Variants in BEST1 observed in about 807,000 individuals in gnomAD.
BEST1 encodes bestrophin-1.
A neutral mutation model predicts 63.3 loss-of-function variants in BEST1; 58 were observed. That is an observed-to-expected ratio of 0.92 (90% CI 0.74 to 1.14). The LOEUF (loss-of-function observed/expected upper bound fraction) is 1.14. BEST1 is among the 50% of genes most tolerant of loss of function. The pLI, the probability that BEST1 is intolerant of heterozygous loss-of-function variation, is 0.00. For synonymous variants in BEST1, 283 were observed against 291.6 expected (o/e 0.97, Z 0.30); for missense variants, 671 against 740.1 (o/e 0.91, Z 1.08).
chr11:61,964,052 G>C (rs2134480302), intron 10 of BEST1, 52 bp from the exon 11 acceptor site: 1 of 1,610,616 alleles, frequency 6.2e-7, no homozygotes, highest in South Asian at 1.1e-5. Flanking sequence ...TTTGGTATTT[G>C]AAATGAAGGG....
chr11:61,962,686 A>G lies in BEST1; in HGVS notation c.1532A>G (p.Lys511Arg), dbSNP rs1199787091. 3.7e-6 allele frequency: 6 copies of G among 1,614,220 alleles called. No homozygotes were observed. The highest frequency in any genetic ancestry group is 2.2e-5 in the East Asian group (1 of 44,884). The change falls in exon 10 of 11, where the codon AAA (lysine) becomes AGA (arginine). Residue 511 changes from lysine to arginine, a missense_variant. Coordinates refer to ENST00000378043, the MANE Select transcript of BEST1 (RefSeq NM_004183.4). ...SLKTVSSGAKKSFELLSESDG... is the reference protein window; with the variant it reads ...SLKTVSSGAKRSFELLSESDG... ...AAGACTGTGAGTTCTGGGGCCAAGAAAAGTTTTGAATTGCTCTCAGAGAGC... is the reference window on the plus strand; with the variant it reads ...AAGACTGTGAGTTCTGGGGCCAAGAGAAGTTTTGAATTGCTCTCAGAGAGC...
Position 61,962,384 on chromosome 11 carries a change from C to A in BEST1, c.1230C>A (p.Thr410=), listed in dbSNP as rs908879383. The A allele has an allele frequency of 4.3e-6, 7 of 1,614,192 alleles. No homozygotes were observed. The highest frequency in any genetic ancestry group is 2.2e-5 in the South Asian group (2 of 91,082). The part of the protein sequence containing the change: ...DHHPPRANSR[T]KLLWPKRESL... ...ATCCTCCCAGGGCAAACTCAAGGAC[C>A]AAACTACTGTGGCCCAAGAGGGAAT... Residue 410 remains threonine, a synonymous_variant, in exon 10 of 11, where the codon ACC becomes ACA. Transcript: ENST00000378043.
At chr11:61,957,176 C>A (rs998252744) in intron 5 of BEST1, among the ~76,000 whole-genome samples, 178 bp downstream of exon 5, 8 of 152,124 alleles carry the variant, frequency 5.3e-5, no homozygotes, top group African/African-American at 1.9e-4. Context: ...TTCTCAGAGG[C>A]CCCTCCCTCT....
chr11:61,964,828 C>T (rs1261446808), downstream of BEST1: 6 of 1,601,020 alleles, frequency 3.7e-6, no homozygotes, highest in Non-Finnish European at 5.1e-6. Flanking sequence ...GTCACGTGGT[C>T]ACCCAATTCT....
At chr11:61,957,517 C>G (rs1024453249) in intron 6 of BEST1, 53 bp downstream of exon 6, 1 of 1,560,826 alleles carries the variant, frequency 6.4e-7, no homozygotes, top group Admixed American at 1.7e-5. Context: ...GCTAGAAGGA[C>G]CAAGGAAGCA....
At chr11:61,958,820 T>C (rs1941688958) in intron 7 of BEST1, 2 of 318,190 alleles carry the variant, frequency 6.3e-6, no homozygotes, top group African/African-American at 2.2e-5. Flanking sequence ...TACCTTCCTT[T>C]ATTTTTTGGT....
chr11:61,953,283 A>T (rs1940903781), intron 2 of BEST1, among the ~76,000 whole-genome samples: 1 of 151,978 alleles, frequency 6.6e-6, no homozygotes, highest in South Asian at 2.1e-4. Context: ...AGGTACTTTA[A>T]AAAAAGTTAG....
chr11:61,963,303 C>T, intron 10 of BEST1: 1 of 1,362,030 alleles, frequency 7.3e-7, no homozygotes, highest in Non-Finnish European at 9.4e-7. Flanking sequence ...CAGATGAACA[C>T]TTCCCCCATA....
chr11:61,959,493 C>A lies in BEST1; in HGVS notation c.868-5C>A. ...AGGGTTTACAGAGCCTCACCTGTCC[C>A]CAAGGTGGCAGAGCAGCTCATCAAC... On this transcript the variant is annotated splice_polypyrimidine_tract_variant and splice_region_variant and intron_variant, in intron 7 of 10. Coordinates refer to ENST00000378043, the MANE Select transcript of BEST1 (RefSeq NM_004183.4). 6.2e-7 allele frequency: 1 copy of A among 1,614,114 alleles called. No homozygotes were observed.
At position 61,963,861 on chromosome 11, in the gene BEST1, T is replaced by G. The variant is rs1309588918; in HGVS notation, c.1740-243T>G. On this transcript the variant is annotated intron_variant, in intron 10 of 10. Transcript: ENST00000378043. ...TCTACCAAAAAAAATACAAATCAGC[T>G]GGGCGTCGTGGTGTGCCTGTAGTCC... 4.5e-6 allele frequency: 6 copies of G among 1,321,786 alleles called. No individual in the cohort carries two copies. In the African/African-American group the frequency reaches 7.5e-5, roughly 16 times the overall value. The allele number at this position is 1,321,786 out of a possible 1,614,324, so 81.9% of individuals were successfully genotyped here.
chr11:61,964,928 T>G (rs772060059), downstream of BEST1: 7 of 1,613,772 alleles, frequency 4.3e-6, no homozygotes, highest in Non-Finnish European at 4.2e-6. Flanking sequence ...GTGGGCAGCT[T>G]TCCCAATCCC....
At chr11:61,952,474 T>G (rs1296664278) in intron 2 of BEST1, among the ~76,000 whole-genome samples, 2 of 147,278 alleles carry the variant, frequency 1.4e-5, no homozygotes, top group African/African-American at 5.0e-5. Context: ...TTTTTTTTTT[T>G]TTTTTTTTTG....
At chr11:61,956,803 C>T (rs1941415249) in intron 4 of BEST1, 41 bp from the exon 5 acceptor site, 2 of 1,613,068 alleles carry the variant, frequency 1.2e-6, no homozygotes, top group Non-Finnish European at 1.7e-6. Context: ...ATCCCTTCTG[C>T]AGGTTCTCCC....
Position 61,962,543 on chromosome 11 carries a change from C to A in BEST1, c.1389C>A (p.Gly463=). 1 of 1,614,182 alleles carries A rather than the reference C, an allele frequency of 6.2e-7. No individual in the cohort carries two copies. The highest frequency in any genetic ancestry group is 8.5e-7 in the Non-Finnish European group (1 of 1,180,020). The change falls in exon 10 of 11, where the codon GGC becomes GGA. Residue 463 remains glycine, a synonymous_variant. Coordinates refer to ENST00000378043, the MANE Select transcript of BEST1 (RefSeq NM_004183.4). ...FKSAPLYQRP[G]YYSAPQTPLS... ...CTGCCCCACTGTATCAGAGGCCAGG[C>A]TACTACAGTGCCCCACAGACGCCCC...
chr11:61,963,618 C>T, intron 10 of BEST1: 1 of 1,026,240 alleles, frequency 9.7e-7, no homozygotes, highest in Non-Finnish European at 1.2e-6. Flanking sequence ...CAGTTACTTT[C>T]ACGGTCAGAA....
At chr11:61,964,539 C>G (rs1224493660), downstream of BEST1, 7 of 692,964 alleles carry the variant, frequency 1.0e-5, no homozygotes, top group Admixed American at 1.3e-4. Context: ...ATTTCTGATT[C>G]ATCCCAAGAC....
intron 2 of BEST1, among the ~76,000 whole-genome samples, chr11:61,954,499 T>G (rs1296887436): frequency 6.6e-6 from 1 of 152,120 alleles, no homozygotes; most frequent in Non-Finnish European, 1.5e-5. Context: ...TTAGAGACAG[T>G]GTCTCGCTCT....
rs773615280 is a variant in BEST1, at chr11:61,962,790, G to T, written c.1636G>T (p.Glu546Ter). Residue 546 changes from glutamate (E) to a stop codon, truncating the protein, a stop_gained, in exon 10 of 11, where the codon GAG (glutamate) becomes TAG (stop). Coordinates refer to ENST00000378043, the MANE Select transcript of BEST1 (RefSeq NM_004183.4). LOFTEE classifies it high-confidence loss of function. ...GGAGTTTAACCTGACGGATATGCCA[G>T]AGATCCCCGAAAATCACCTCAAAGA... ...TVEFNLTDMP[E>*]IPENHLKEPL... 2 of 1,614,096 alleles carry T rather than the reference G, an allele frequency of 1.2e-6. No homozygotes were observed. The highest frequency in any genetic ancestry group is 1.7e-6 in the Non-Finnish European group (2 of 1,180,042).
At chr11:61,963,876 G>A (rs1180355221) in intron 10 of BEST1, 2 of 1,338,022 alleles carry the variant, frequency 1.5e-6, no homozygotes, top group Non-Finnish European at 9.8e-7. Flanking sequence ...GTCGTGGTGT[G>A]CCTGTAGTCC....
Sources: allele counts gnomAD v4.1 joint callset (sites outside exome capture counted in the v4.1 genomes callset), GRCh38; gene constraint gnomAD v4.1.1; transcripts MANE v1.5; gene names NCBI Gene and HGNC (gene_info 2026-07-23, HGNC 2026-07-21).